The following SLC34A1 variants were observed in gnomAD, a reference collection of about 807,000 sequenced individuals.
The protein encoded by SLC34A1 is sodium-dependent phosphate transport protein 2A.
Under a neutral mutation model 51.4 loss-of-function variants are expected in SLC34A1, and 57 were observed. The ratio of observed to expected loss-of-function variants is 1.11; its 90% confidence interval spans 0.90 to 1.38. The LOEUF is 1.38. Ranked by LOEUF, SLC34A1 falls within the 40% of genes most tolerant of loss-of-function variation. The pLI, the probability that SLC34A1 is intolerant of heterozygous loss-of-function variation, is 0.00. For missense variants in SLC34A1, 796 were observed against 835.6 expected (o/e 0.95, Z 0.58); for synonymous variants, 368 against 358.0 (o/e 1.03, Z -0.32).
In SLC34A1 at chr5:177,398,803, T is replaced by C. The variant is rs1763054960; in HGVS notation, c.*517T>C. The C allele has an allele frequency of 6.1e-6, 1 of 163,038 alleles. No individual in the cohort carries two copies. 10.1% of individuals were successfully genotyped at this position (163,038 alleles called of 1,614,324 possible). On this transcript the variant is annotated 3_prime_UTR_variant, in exon 13 of 13. Transcript: ENST00000324417. The surrounding 1 kb of genome is among the most constrained non-coding windows in gnomAD (Gnocchi z 4.7). ...CCACAATTAATTCCCTTCCCAACAC[T>C]TGCCTGATGGAAAAAAAACAAAGGA...
chr5:177,385,961 G>A lies in SLC34A1; in HGVS notation c.110-26G>A, dbSNP rs769945946. The A allele has an allele frequency of 4.3e-6, 7 of 1,609,900 alleles. No homozygotes were observed. The East Asian group carries it at 1.6e-4, about 36-fold the overall frequency. On this transcript the variant is annotated intron_variant, in intron 2 of 12. Coordinates refer to ENST00000324417, the MANE Select transcript of SLC34A1 (RefSeq NM_003052.5). ...CCGCCTCCCCACTTTGGGGCCCTGGGGCTCCTGACCAGGCTCCCTCCCTAG... is the reference window on the plus strand; with the variant it reads ...CCGCCTCCCCACTTTGGGGCCCTGGAGCTCCTGACCAGGCTCCCTCCCTAG...
rs937369362 is a variant in SLC34A1 at position 177,396,087 on chromosome 5, TC to T, written c.1175-645del. Among the ~76,000 whole-genome samples, 3 of 152,170 alleles carry T rather than the reference TC, an allele frequency of 2.0e-5. No individual in the cohort carries two copies. Among genetic ancestry groups the T allele is most frequent in the Non-Finnish European group, 4.4e-5 (3 of 68,030 alleles). ...GAGCCACCTTGCCCAGCCTTGGTTT[TC>T]ATTTTAAACTTCATGCACTGGGAGG... On this transcript the variant is annotated intron_variant, in intron 10 of 12. Transcript: ENST00000324417. The surrounding 1 kb of genome is among the most constrained non-coding windows in gnomAD (Gnocchi z 4.0).
intron 12 of SLC34A1, chr5:177,397,367 G>T: frequency 2.0e-6 from 1 of 505,776 alleles, no homozygotes. Context: ...GAGCAGTTTG[G>T]GGAATCCATT....
At chr5:177,387,622 C>T (rs916735941) in intron 5 of SLC34A1, 140 bp from the exon 6 acceptor site, 5 of 752,922 alleles carry the variant, frequency 6.6e-6, no homozygotes, top group African/African-American at 3.4e-5. Context: ...GCACCTGTGA[C>T]GCCAACGTTA....
At position 177,396,430 on chromosome 5, in the gene SLC34A1, A is replaced by ATCCGCTCTCCCAGTGCCCCCGCGGAGG. The variant is rs1561634442; in HGVS notation, c.1175-272_1175-246dup. On this transcript the variant is annotated intron_variant, in intron 10 of 12. Transcript: ENST00000324417. The surrounding 1 kb of genome is among the most constrained non-coding windows in gnomAD (Gnocchi z 4.0). ...CGTCTCTCCCAGTGCCCCCGCGGAG[A>ATCCGCTCTCCCAGTGCCCCCGCGGAGG]TCCGCTCTCCCAGTGCCCCCGCGGA... 1.3e-3 allele frequency among the ~76,000 whole-genome samples: 167 copies of ATCCGCTCTCCCAGTGCCCCCGCGGAGG among 124,232 alleles called. 9 individuals are homozygous for ATCCGCTCTCCCAGTGCCCCCGCGGAGG. Among genetic ancestry groups the ATCCGCTCTCCCAGTGCCCCCGCGGAGG allele is most frequent in the African/African-American group, 4.5e-3 (133 of 29,830 alleles). The allele number at this position is 124,232 out of a possible 152,430, so 81.5% of individuals were successfully genotyped here.
rs377213972 is a variant in SLC34A1 at position 177,398,064 on chromosome 5, C to A, written c.1698C>A (p.Pro566=). The stretch of plus-strand genomic sequence containing the variant: ...TCAATGTCCTGCAGAGTCGGAGTCC[C>A]GGGCACCTGCCCAAGTGGTTACAGA... ...VLINVLQSRS[P]GHLPKWLQTW... The change falls in exon 13 of 13, where the codon CCC becomes CCA. Residue 566 remains proline (P), a synonymous_variant. Transcript: ENST00000324417. The surrounding 1 kb of genome is among the most constrained non-coding windows in gnomAD (Gnocchi z 4.7). 6.2e-7 allele frequency: 1 copy of A among 1,613,802 alleles called. No individual in the cohort carries two copies. The highest frequency in any genetic ancestry group is 1.3e-5 in the African/African-American group (1 of 74,926).
chr5:177,389,497 A>G (rs1242925262), intron 8 of SLC34A1: 11 of 1,003,532 alleles, frequency 1.1e-5, no homozygotes, highest in Non-Finnish European at 1.6e-5. Flanking sequence ...GAGTGTTCAA[A>G]GCAGCCTTAC....
At position 177,396,159 on chromosome 5, in the gene SLC34A1, G is replaced by A. The variant is rs1320676663; in HGVS notation, c.1175-574G>A. Among the ~76,000 whole-genome samples the A allele has an allele frequency of 6.6e-6, 1 of 152,180 alleles. No homozygotes were observed. The highest frequency in any genetic ancestry group is 1.9e-4 in the East Asian group (1 of 5,198). The stretch of plus-strand genomic sequence containing the variant: ...AATAAGGGGTATCATGGGGCTGTGG[G>A]AGCTCAGAGAAGGGAGAAAAAGTCT... On this transcript the variant is annotated intron_variant, in intron 10 of 12. Coordinates refer to ENST00000324417, the MANE Select transcript of SLC34A1 (RefSeq NM_003052.5). This position sits in a 1 kb window ranked among gnomAD's most constrained non-coding sequence, Gnocchi z 4.0.
At chr5:177,395,111 G>T (rs1042976492) in intron 10 of SLC34A1, among the ~76,000 whole-genome samples, 2 of 152,052 alleles carry the variant, frequency 1.3e-5, no homozygotes, top group African/African-American at 2.4e-5. Flanking sequence ...GGTTGAGGCC[G>T]CAGTGAGCTA....
At chr5:177,384,724 TG>T (rs1762498404) in intron 1 of SLC34A1, among the ~76,000 whole-genome samples, 1 of 152,022 alleles carries the variant, frequency 6.6e-6, no homozygotes. Flanking sequence ...TAGCCAGGTG[TG>T]GTGGCAGGCA....
chr5:177,391,764 C>CCAA (rs2127351504), intron 8 of SLC34A1, among the ~76,000 whole-genome samples: 1 of 152,342 alleles, frequency 6.6e-6, no homozygotes, highest in South Asian at 2.1e-4. Context: ...TCATGATGAG[C>CCAA]CAAGCCCTGT....
chr5:177,393,091 G>A (rs561531054), intron 8 of SLC34A1, among the ~76,000 whole-genome samples: 11 of 152,316 alleles, frequency 7.2e-5, no homozygotes, highest in Admixed American at 3.9e-4. Flanking sequence ...CACACAGCCC[G>A]AGCTGCTCAC....
rs760678445 is a variant in SLC34A1 at position 177,398,193 on chromosome 5, G to A, written c.1827G>A (p.Pro609=). 13 of 1,600,992 alleles carry A rather than the reference G, an allele frequency of 8.1e-6. No individual in the cohort carries two copies. The highest frequency in any genetic ancestry group is 1.3e-5 in the African/African-American group (1 of 74,578). ...CCAGGCCTGAGCCCCGCTCACCCCC[G>A]CTGCCCCCCAGGGTCTTCCTGGAGG... ...CCARPEPRSP[P]LPPRVFLEEL... The change falls in exon 13 of 13, where the codon CCG becomes CCA. Residue 609 remains proline (P), a synonymous_variant. Coordinates refer to ENST00000324417, the MANE Select transcript of SLC34A1 (RefSeq NM_003052.5). This position sits in a 1 kb window ranked among gnomAD's most constrained non-coding sequence, Gnocchi z 4.7.
In SLC34A1 at chr5:177,394,370, TG is replaced by T. The variant is rs532484696; in HGVS notation, c.1174+177del. Among the ~76,000 whole-genome samples the T allele has an allele frequency of 3.3e-4, 50 of 152,324 alleles. 2 individuals are homozygous for T. The South Asian group carries it at 7.5e-3, about 23-fold the overall frequency. ...TGAGGTACTGACAGCTGGAGACCTG[TG>T]GCCGCCTCTGGCTGTGGTTCCATTT... is the stretch of plus-strand genomic sequence containing the variant. On this transcript the variant is annotated intron_variant, in intron 10 of 12. Transcript: ENST00000324417.
chr5:177,390,356 C>T (rs1470643305), intron 8 of SLC34A1: 1 of 985,502 alleles, frequency 1.0e-6, no homozygotes, highest in Non-Finnish European at 1.2e-6. Context: ...CTATACCTGC[C>T]TGGATTAAAC....
At chr5:177,395,546 G>C (rs946025395) in intron 10 of SLC34A1, among the ~76,000 whole-genome samples, 6 of 152,188 alleles carry the variant, frequency 3.9e-5, no homozygotes, top group Admixed American at 2.6e-4. Context: ...GGGTCTCCAG[G>C]CTCTGCTCAG....
intron 1 of SLC34A1, among the ~76,000 whole-genome samples, 178 bp downstream of exon 1, chr5:177,384,665 G>A (rs1379935891): frequency 6.6e-6 from 1 of 152,030 alleles, no homozygotes; most frequent in Non-Finnish European, 1.5e-5. Context: ...TTGGGAAGCC[G>A]AGTGGGCGGA....
rs761816164 is a variant in SLC34A1 at position 177,387,890 on chromosome 5, G to A, written c.644+17G>A. On this transcript the variant is annotated intron_variant, in intron 6 of 12. Coordinates refer to ENST00000324417, the MANE Select transcript of SLC34A1 (RefSeq NM_003052.5). ...CTTCCGGCGGTGAGGGGGGCTGGGGGTTGGGGGCTCGTGCCTGGGGGAGGA... is the reference window on the plus strand; with the variant it reads ...CTTCCGGCGGTGAGGGGGGCTGGGGATTGGGGGCTCGTGCCTGGGGGAGGA... 1.3e-6 allele frequency: 2 copies of A among 1,523,922 alleles called. No homozygotes were observed. The highest frequency in any genetic ancestry group is 2.8e-5 in the African/African-American group (2 of 72,512). 94.4% of individuals were successfully genotyped at this position (1,523,922 alleles called of 1,614,324 possible). A position where few individuals can be genotyped will look rare whatever the true frequency, so the allele number is the denominator to read the frequency against.
Position 177,392,240 on chromosome 5 carries a change from T to C in SLC34A1, c.937-1454T>C, listed in dbSNP as rs184277085. On this transcript the variant is annotated intron_variant, in intron 8 of 12. Transcript: ENST00000324417. ...ACCTTGGGAGGCCGAGGTGGGTGAA[T>C]CACCTGAGGTCAGGAGTTCGAGATC... 1.1e-3 allele frequency among the ~76,000 whole-genome samples: 168 copies of C among 152,288 alleles called. No homozygotes were observed. The East Asian group carries it at 0.026, about 23-fold the overall frequency.
Sources: allele counts gnomAD v4.1 joint callset (sites outside exome capture counted in the v4.1 genomes callset), GRCh38; gene constraint gnomAD v4.1.1; non-coding constraint Gnocchi (gnomAD v3.1); transcripts MANE v1.5; gene names NCBI Gene and HGNC (gene_info 2026-07-23, HGNC 2026-07-21).